The following ATRX variants were observed in gnomAD, a reference collection of about 807,000 sequenced individuals.
ATRX encodes ATRX chromatin remodeler.
Under a neutral mutation model 172.6 loss-of-function variants are expected in ATRX, and 12 were observed. That is an observed-to-expected ratio of 0.07 (90% CI 0.04 to 0.11). The LOEUF (loss-of-function observed/expected upper bound fraction) is 0.11, where lower values mean the gene tolerates loss of function less well. ATRX is among the 10% of genes least tolerant of loss of function. The pLI is 1.00. For missense variants in ATRX, 1,368 were observed against 1,767.4 expected (o/e 0.77, Z 4.05); for synonymous variants, 674 against 594.7 (o/e 1.13, Z -1.94).
At chrX:77,660,268 G>T (rs1881560540) in intron 12 of ATRX, among the ~76,000 whole-genome samples, 1 of 111,998 alleles carries the variant, frequency 8.9e-6, no homozygotes, top group African/African-American at 3.2e-5. Context: ...ATATTGCAAA[G>T]AAATTTATAA....
intron 15 of ATRX, among the ~76,000 whole-genome samples, chrX:77,647,576 T>C (rs1437794944): frequency 2.7e-5 from 3 of 111,858 alleles, no homozygotes; most frequent in Non-Finnish European, 5.6e-5. Flanking sequence ...CACGATAAAA[T>C]TGTGGGGGAA....
At chrX:77,649,654 T>C (rs2069110224) in intron 15 of ATRX, among the ~76,000 whole-genome samples, 1 of 111,630 alleles carries the variant, frequency 9.0e-6, no homozygotes, top group African/African-American at 3.3e-5. Context: ...AGGTCTTTCC[T>C]GTGCTGTTCT....
At chrX:77,545,766 A>G (rs186432229) in intron 30 of ATRX, among the ~76,000 whole-genome samples, 1 of 112,099 alleles carries the variant, frequency 8.9e-6, no homozygotes, top group Non-Finnish European at 1.9e-5. Context: ...ACTAATGGAC[A>G]TACATTTCTC....
intron 15 of ATRX, among the ~76,000 whole-genome samples, chrX:77,643,524 G>A (rs897672862): frequency 9.0e-6 from 1 of 111,136 alleles, no homozygotes; most frequent in African/African-American, 3.3e-5. Flanking sequence ...CACCTCAACC[G>A]ATCTAGCCAC....
intron 1 of ATRX, among the ~76,000 whole-genome samples, chrX:77,754,560 A>T (rs2075419323): frequency 9.0e-6 from 1 of 111,508 alleles, no homozygotes; most frequent in Admixed American, 9.6e-5. Flanking sequence ...TTAGCATTTG[A>T]TTGTCCGTAA....
At chrX:77,599,338 T>C (rs375591311) in intron 25 of ATRX, 73 bp downstream of exon 25, 6 of 1,129,858 alleles carry the variant, frequency 5.3e-6, no homozygotes, top group Admixed American at 2.2e-5. Flanking sequence ...GGTAAGTGAC[T>C]GAAAAAAGGA....
chrX:77,564,599 T>A, intron 28 of ATRX, among the ~76,000 whole-genome samples: 1 of 110,504 alleles, frequency 9.0e-6, no homozygotes, highest in Middle Eastern at 4.7e-3. Context: ...TTGCCCAGAC[T>A]GGTCTTCAAC....
At chrX:77,783,549 G>T in intron 1 of ATRX, among the ~76,000 whole-genome samples, 1 of 111,690 alleles carries the variant, frequency 9.0e-6, no homozygotes, top group East Asian at 2.8e-4. Context: ...GTAAAAATTA[G>T]AACTAGTCTT....
intron 2 of ATRX, among the ~76,000 whole-genome samples, chrX:77,713,654 C>T (rs781830287): frequency 5.4e-5 from 6 of 111,459 alleles, no homozygotes; most frequent in Non-Finnish European, 7.5e-5. Flanking sequence ...TATACTGATA[C>T]AAATAATTGA....
chrX:77,590,920 A>C (rs1430671568), intron 26 of ATRX, among the ~76,000 whole-genome samples: 2 of 112,254 alleles, frequency 1.8e-5, no homozygotes, highest in African/African-American at 6.5e-5. Flanking sequence ...CAAAATTTAA[A>C]ACTTCTGCTC....
chrX:77,615,232 C>T (rs2067309497), intron 22 of ATRX, among the ~76,000 whole-genome samples: 1 of 111,159 alleles, frequency 9.0e-6, no homozygotes, highest in African/African-American at 3.3e-5. Context: ...CTCCTGAGCT[C>T]AAGTAATCCT....
chrX:77,586,729 A>G (rs782388387), intron 27 of ATRX, among the ~76,000 whole-genome samples: 1 of 111,993 alleles, frequency 8.9e-6, no homozygotes, highest in Non-Finnish European at 1.9e-5. Context: ...AAAAGTTTAA[A>G]ACGCAGATAT....
chrX:77,515,121 A>C (rs2063007810), intron 34 of ATRX, among the ~76,000 whole-genome samples: 3 of 111,863 alleles, frequency 2.7e-5, no homozygotes, highest in Non-Finnish European at 5.6e-5. Context: ...GAGGTTGTAG[A>C]GAAAAAGGAA....
intron 30 of ATRX, among the ~76,000 whole-genome samples, chrX:77,548,960 T>C (rs1557054477): frequency 8.9e-6 from 1 of 112,443 alleles, no homozygotes; most frequent in Non-Finnish European, 1.9e-5. Context: ...CGTAGTCCAG[T>C]GCTGGAAAAG....
intron 7 of ATRX, 110 bp downstream of exon 7, chrX:77,688,708 C>T: frequency 1.6e-6 from 1 of 628,884 alleles, no homozygotes; most frequent in African/African-American, 2.1e-5. Context: ...AGAAGTCTTC[C>T]AAGGGCAGAT....
At chrX:77,516,637 C>A (rs890471475) in intron 34 of ATRX, among the ~76,000 whole-genome samples, 2 of 111,484 alleles carry the variant, frequency 1.8e-5, no homozygotes, top group Non-Finnish European at 3.8e-5. Context: ...ATAATAATAG[C>A]TGGAGACTTC....
intron 1 of ATRX, among the ~76,000 whole-genome samples, chrX:77,765,139 C>T (rs1021480082): frequency 5.4e-5 from 6 of 111,503 alleles, no homozygotes; most frequent in Admixed American, 4.8e-4. Flanking sequence ...TGCACTCCAG[C>T]CTGGGCAACA....
chrX:77,686,638 C>T (rs1569539762), intron 7 of ATRX, among the ~76,000 whole-genome samples: 1 of 111,044 alleles, frequency 9.0e-6, no homozygotes, highest in East Asian at 2.8e-4. Context: ...CTCACTTGAA[C>T]CCTGAGGCGG....
chrX:77,763,134 T>C (rs782186684), intron 1 of ATRX, among the ~76,000 whole-genome samples: 2 of 109,440 alleles, frequency 1.8e-5, no homozygotes, highest in Admixed American at 2.0e-4. Context: ...TATATATATA[T>C]AGTTGTCTTT....
Sources: allele counts gnomAD v4.1 joint callset (sites outside exome capture counted in the v4.1 genomes callset), GRCh38; gene constraint gnomAD v4.1.1; transcripts MANE v1.5; gene names NCBI Gene and HGNC (gene_info 2026-07-23, HGNC 2026-07-21).